Variants in TUBB8B observed in about 807,000 individuals in gnomAD.
The protein encoded by TUBB8B is tubulin beta 8B.
TUBB8B carries 26 observed loss-of-function variants against 31.9 expected under a neutral mutation model. The observed-to-expected ratio is 0.81, with a 90% CI of 0.60 to 1.13. The LOEUF (loss-of-function observed/expected upper bound fraction) is 1.13, where lower values mean the gene tolerates loss of function less well. Among genes scored for constraint, TUBB8B ranks in the 50% most tolerant of loss-of-function variants. The probability of loss-of-function intolerance (pLI) is 0.00; values close to 1 mark genes in which losing one functional copy is unlikely to be tolerated. For missense variants in TUBB8B, 467 were observed against 586.7 expected, an observed-to-expected ratio of 0.80 and a Z score of 2.11; for synonymous variants, 173 against 231.0, an observed-to-expected ratio of 0.75 and a Z score of 2.28.
chr18:72,827 C>T, the TUBB8B span, among the ~76,000 whole-genome samples: 9 of 151,982 alleles, frequency 5.9e-5, no homozygotes, highest in Non-Finnish European at 1.0e-4. Flanking sequence ...ATTAGCCGGG[C>T]GTGGTGGTGC....
At chr18:67,655 T>A in the TUBB8B span, among the ~76,000 whole-genome samples, 1 of 152,172 alleles carries the variant, frequency 6.6e-6, no homozygotes, top group Non-Finnish European at 1.5e-5. Flanking sequence ...GATTAAGGGA[T>A]ACACAGAGAG....
At chr18:49,309 C>T (rs1471416675) in intron 1 of TUBB8B, 72 bp from the exon 2 acceptor site, 15 of 1,353,598 alleles carry the variant, frequency 1.1e-5, no homozygotes, top group East Asian at 5.2e-5. Context: ...CTCCCACCCC[C>T]ACCCGCACCC....
the TUBB8B span, among the ~76,000 whole-genome samples, chr18:71,844 C>A: frequency 6.6e-6 from 1 of 151,882 alleles, no homozygotes; most frequent in African/African-American, 2.4e-5. Flanking sequence ...GATCGCGCCA[C>A]TGCAGTCCAG....
chr18:73,049 C>T, the TUBB8B span, among the ~76,000 whole-genome samples: 2 of 152,198 alleles, frequency 1.3e-5, no homozygotes, highest in South Asian at 2.1e-4. Context: ...CCTGCCAGTC[C>T]CCAACATCCC....
chr18:58,584 C>T, the TUBB8B span, among the ~76,000 whole-genome samples: 1 of 151,758 alleles, frequency 6.6e-6, no homozygotes, highest in African/African-American at 2.4e-5. Context: ...GTCCAGATCA[C>T]TATCAGCATT....
upstream of TUBB8B, among the ~76,000 whole-genome samples, chr18:52,703 G>C (rs2144069565): frequency 6.6e-6 from 1 of 152,008 alleles, no homozygotes; most frequent in Non-Finnish European, 1.5e-5. Flanking sequence ...AGAGGGTCCT[G>C]ATACAGACCA....
At chr18:72,860 G>A in the TUBB8B span, among the ~76,000 whole-genome samples, 1 of 152,016 alleles carries the variant, frequency 6.6e-6, no homozygotes, top group Non-Finnish European at 1.5e-5. Flanking sequence ...CCAGCTACTC[G>A]AGAGGCTGAG....
chr18:59,567 G>C, the TUBB8B span, among the ~76,000 whole-genome samples: 1 of 126,188 alleles, frequency 7.9e-6, no homozygotes, highest in African/African-American at 3.1e-5. Context: ...TTTTTGAGAT[G>C]ACGTCTTCCT....
upstream of TUBB8B, among the ~76,000 whole-genome samples, chr18:52,395 G>A (rs1600580857): frequency 6.6e-6 from 1 of 151,564 alleles, no homozygotes; most frequent in East Asian, 1.9e-4. Context: ...ATCTTGTTTA[G>A]CCAAATCCAT....
At chr18:57,647 A>G in the TUBB8B span, among the ~76,000 whole-genome samples, 1 of 151,812 alleles carries the variant, frequency 6.6e-6, no homozygotes, top group Non-Finnish European at 1.5e-5. Context: ...TGGGATCTGT[A>G]GGACAGTGAT....
the TUBB8B span, among the ~76,000 whole-genome samples, chr18:59,406 C>T: frequency 6.6e-6 from 1 of 151,582 alleles, no homozygotes; most frequent in African/African-American, 2.4e-5. Flanking sequence ...AGCTGGGGGT[C>T]TGTCATATAT....
Position 49,032 on chromosome 18 carries a change from C to A in TUBB8B, c.185G>T (p.Arg62Leu). The A allele has an allele frequency of 6.2e-7, 1 of 1,607,276 alleles. No homozygotes were observed. The highest frequency in any genetic ancestry group is 2.2e-5 in the East Asian group (1 of 44,686). ...CGGCTCCAGATCCACGAGCACAGCG[C>A]GGGGCACGTACCTGCCACCTGCGTG... ...HEASGGRYVP[R>L]AVLVDLEPGT... Residue 62 changes from arginine (R) to leucine (L), a missense_variant, in exon 3 of 4, where the codon CGC becomes CTC. Physicochemically the swap from Arg to Leu is moderately radical, Grantham distance 102 (BLOSUM62 -2). Around this residue, in one of 2 missense-constraint regions of TUBB8B, gnomAD observed 259 missense variants for 380.1 expected, o/e 0.68. Coordinates refer to ENST00000308911, the MANE Select transcript of TUBB8B (RefSeq NM_001358689.2).
chr18:47,626 A>C lies in TUBB8B; in HGVS notation c.1099T>G (p.Phe367Val). Residue 367 changes from phenylalanine to valine, a missense_variant, in exon 4 of 4, where the codon TTC becomes GTC. This residue lies in a region of TUBB8B where 208 missense variants were observed against 206.7 expected (regional missense o/e 1.01). Transcript: ENST00000308911. ...TGGATGGCCGCATTATTCCCAATGA[A>C]GGTGGCTGACATTTTTAGCCCCCGG... is the stretch of plus-strand genomic sequence containing the variant. ...PPRGLKMSAT[F>V]IGNNAAIQEL... 6.2e-7 allele frequency: 1 copy of C among 1,612,626 alleles called. No individual in the cohort carries two copies. The highest frequency in any genetic ancestry group is 8.5e-7 in the Non-Finnish European group (1 of 1,179,306).
At chr18:56,434 T>C in the TUBB8B span, among the ~76,000 whole-genome samples, 4 of 152,034 alleles carry the variant, frequency 2.6e-5, no homozygotes, top group South Asian at 8.3e-4. Flanking sequence ...TTTAAAATAC[T>C]GATTCTTCCA....
chr18:58,986 G>A, the TUBB8B span, among the ~76,000 whole-genome samples: 2 of 151,780 alleles, frequency 1.3e-5, no homozygotes, highest in African/African-American at 4.8e-5. Context: ...AGAGGGGCAA[G>A]TTGTTACACA....
the TUBB8B span, among the ~76,000 whole-genome samples, chr18:63,122 T>A: frequency 1.3e-5 from 2 of 151,812 alleles, 1 homozygote; most frequent in Non-Finnish European, 2.9e-5. Flanking sequence ...TTTTCCAGGA[T>A]TTGCCCCTGG....
At position 47,610 on chromosome 18, in the gene TUBB8B, G is replaced by C. The variant is rs60908131; in HGVS notation, c.1115C>G (p.Ala372Gly). Residue 372 changes from alanine to glycine, a missense_variant, in exon 4 of 4, where the codon GCG (alanine) becomes GGG (glycine). Coordinates refer to ENST00000308911, the MANE Select transcript of TUBB8B (RefSeq NM_001358689.2). ...ACATGTGAAGAGTTCCTGGATGGCC[G>C]CATTATTCCCAATGAAGGTGGCTGA... Reference protein sequence around the residue: ...KMSATFIGNNAAIQELFTCVS... With the variant: ...KMSATFIGNNGAIQELFTCVS... 6.2e-7 allele frequency: 1 copy of C among 1,612,196 alleles called. No homozygotes were observed.
chr18:48,766 C>G (rs537313794), intron 3 of TUBB8B, 174 bp downstream of exon 3: 15 of 709,616 alleles, frequency 2.1e-5, no homozygotes, highest in Middle Eastern at 2.4e-4. Flanking sequence ...GAGGAGACAC[C>G]GGGGCCTTCC....
rs1341479444 is a variant in TUBB8B, at chr18:48,008, G to A, written c.717C>T (p.Cys239=). Residue 239 remains cysteine, a synonymous_variant, in exon 4 of 4, where the codon TGC becomes TGT. Transcript: ENST00000308911. ...VSATMSGVTT[C]LRFPGQLNAD... ...CATTCAGCTGGCCTGGGAAGCGCAG[G>A]CATGTGGTGACCCCACTCATGGTAG... 3.7e-6 allele frequency: 6 copies of A among 1,612,296 alleles called. No homozygotes were observed. In the African/African-American group the frequency reaches 8.0e-5, roughly 22 times the overall value.
Sources: gnomAD v4.1 joint callset for allele counts (sites outside exome capture counted in the v4.1 genomes callset) on GRCh38, gnomAD v4.1.1 for gene constraint, gnomAD v4.1.1 regional missense constraint, MANE v1.5 for transcripts, NCBI Gene and HGNC (gene_info 2026-07-23, HGNC 2026-07-21) for gene names.